The following RTKN2 variants were observed in gnomAD, a reference collection of about 807,000 sequenced individuals.
RTKN2 encodes rhotekin-2.
RTKN2 carries 69 observed loss-of-function variants against 71.5 expected under a neutral mutation model. The ratio of observed to expected loss-of-function variants is 0.96; its 90% CI spans 0.79 to 1.18. The LOEUF is 1.18. Ranked by LOEUF, RTKN2 falls within the 50% of genes most tolerant of loss-of-function variation. RTKN2 has a pLI of 0.00. For missense variants in RTKN2, 724 were observed against 719.7 expected, an observed-to-expected ratio of 1.01 and a Z score of -0.07; for synonymous variants, 236 against 236.5, an observed-to-expected ratio of 1.00 and a Z score of 0.02.
At chr10:62,239,289 T>C (rs1842322507) in intron 5 of RTKN2, 1 of 159,928 alleles carries the variant, frequency 6.3e-6, no homozygotes, top group East Asian at 1.8e-4. Context: ...AAAAATCCTG[T>C]TTTATGCTTA....
At chr10:62,224,960 T>C (rs764000848) in intron 6 of RTKN2, among the ~76,000 whole-genome samples, 16 of 152,134 alleles carry the variant, frequency 1.1e-4, no homozygotes, top group South Asian at 6.2e-4. Context: ...CTAAGTGTAA[T>C]AGGAAAGTTG....
chr10:62,241,159 T>A lies in RTKN2; in HGVS notation c.353A>T (p.His118Leu). The A allele has an allele frequency of 6.4e-7, 1 of 1,555,378 alleles. No individual in the cohort carries two copies. The highest frequency in any genetic ancestry group is 8.8e-7 in the Non-Finnish European group (1 of 1,133,782). ...RIPLMWKDSD[H>L]FSNKERSRRY... ...ATACATACGTTCTTTATTGCTGAAG[T>A]GATCAGAGTCTTTCCACATTAGTGG... The change falls in exon 4 of 12, where the codon CAC (histidine) becomes CTC (leucine). Residue 118 changes from histidine (H) to leucine (L), a missense_variant. Physicochemically the swap from His to Leu is moderately conservative, Grantham distance 99. Transcript: ENST00000373789.
chr10:62,193,916 T>C lies in RTKN2; in HGVS notation c.*3992A>G, dbSNP rs1841272337. 1 of 983,154 alleles carries C rather than the reference T, an allele frequency of 1.0e-6. No homozygotes were observed. The highest frequency in any genetic ancestry group is 1.7e-5 in the African/African-American group (1 of 57,208). The allele number at this position is 983,154 out of a possible 1,614,324, so 60.9% of individuals were successfully genotyped here. On this transcript the variant is annotated 3_prime_UTR_variant, in exon 12 of 12. Coordinates refer to ENST00000373789, the MANE Select transcript of RTKN2 (RefSeq NM_145307.4). ...ACCAGCTACTTGGTATGTCTTTTTC[T>C]GATTAAACTGATTCCACCACACTGT...
At chr10:62,211,907 G>A (rs944602656) in intron 9 of RTKN2, among the ~76,000 whole-genome samples, 5 of 151,924 alleles carry the variant, frequency 3.3e-5, no homozygotes, top group Admixed American at 2.0e-4. Context: ...CTCCTGATCC[G>A]CCCGTGCTGA....
chr10:62,266,943 C>T (rs542388831), intron 1 of RTKN2, among the ~76,000 whole-genome samples: 15 of 152,300 alleles, frequency 9.8e-5, no homozygotes, highest in African/African-American at 3.4e-4. Flanking sequence ...TGTGAGGAGT[C>T]GCAGAGGACT....
chr10:62,196,487 T>C lies in RTKN2; in HGVS notation c.*1421A>G, dbSNP rs911045346. The C allele has an allele frequency of 3.0e-6, 3 of 985,202 alleles. No homozygotes were observed. Among genetic ancestry groups the C allele is most frequent in the African/African-American group, 1.7e-5 (1 of 57,240 alleles). 61.0% of individuals were successfully genotyped at this position (985,202 alleles called of 1,614,324 possible). On this transcript the variant is annotated 3_prime_UTR_variant, in exon 12 of 12. Coordinates refer to ENST00000373789, the MANE Select transcript of RTKN2 (RefSeq NM_145307.4). ...TGGCAGTTACATCATTCTCTATAAA[T>C]GGAAAAGACCCCGCTATCTGAAAAT...
At chr10:62,187,812 C>A (rs1001269428) in intron 8 of RTKN2, among the ~76,000 whole-genome samples, 1 of 152,170 alleles carries the variant, frequency 6.6e-6, no homozygotes, top group Non-Finnish European at 1.5e-5. Context: ...CTCCCCAATA[C>A]TATCTGTAGC....
Position 62,194,088 on chromosome 10 carries a change from T to A in RTKN2, c.*3820A>T, listed in dbSNP as rs1841275991. 1 of 981,288 alleles carries A rather than the reference T, an allele frequency of 1.0e-6. No homozygotes were observed. Among genetic ancestry groups the A allele is most frequent in the South Asian group, 4.7e-5 (1 of 21,220 alleles). The allele number at this position is 981,288 out of a possible 1,614,324, so 60.8% of individuals were successfully genotyped here. ...TACCTTTGGTACTTTAAAAAATGTA[T>A]GTCCATGATATAATACTTTTTAATC... is the stretch of plus-strand genomic sequence containing the variant. On this transcript the variant is annotated 3_prime_UTR_variant, in exon 12 of 12. Coordinates refer to ENST00000373789, the MANE Select transcript of RTKN2 (RefSeq NM_145307.4).
intron 5 of RTKN2, among the ~76,000 whole-genome samples, chr10:62,237,974 G>C (rs879770046): frequency 6.6e-6 from 1 of 151,780 alleles, no homozygotes; most frequent in Non-Finnish European, 1.5e-5. Context: ...TAGCATTAAA[G>C]ACTGTGGTGG....
chr10:62,259,353 G>A (rs989559290), intron 2 of RTKN2: 40 of 270,266 alleles, frequency 1.5e-4, no homozygotes, highest in African/African-American at 9.1e-4. Context: ...TTTTTAATGT[G>A]ATATTTGTGA....
Position 62,197,878 on chromosome 10 carries a change from T to A in RTKN2, c.*30A>T. ...TGAATTAAGCTTCACAGTTATAGAT[T>A]TTGTTAAATGTTTTATCATTAAGAG... On this transcript the variant is annotated 3_prime_UTR_variant, in exon 12 of 12. Transcript: ENST00000373789. 1 of 1,570,198 alleles carries A rather than the reference T, an allele frequency of 6.4e-7. No individual in the cohort carries two copies. The highest frequency in any genetic ancestry group is 8.6e-7 in the Non-Finnish European group (1 of 1,161,304).
At chr10:62,217,795 C>A (rs1037927169) in intron 8 of RTKN2, among the ~76,000 whole-genome samples, 4 of 152,046 alleles carry the variant, frequency 2.6e-5, no homozygotes, top group Non-Finnish European at 5.9e-5. Flanking sequence ...AATAAATCAG[C>A]AGTAGGTGGC....
At position 62,246,067 on chromosome 10, in the gene RTKN2, CA is replaced by C; in HGVS notation, c.258-11del. 2.6e-6 allele frequency: 4 copies of C among 1,553,854 alleles called. No homozygotes were observed. The highest frequency in any genetic ancestry group is 1.7e-4 in the Middle Eastern group (1 of 5,860). Reference sequence around the variant, plus strand: ...TTCAAATTTCACATCACTGTCAAAACAAAAAAACTTATGGAAAAAAGATCTT... The same window carrying C: ...TTCAAATTTCACATCACTGTCAAAACAAAAAACTTATGGAAAAAAGATCTT... On this transcript the variant is annotated splice_polypyrimidine_tract_variant and intron_variant, in intron 2 of 11. Coordinates refer to ENST00000373789, the MANE Select transcript of RTKN2 (RefSeq NM_145307.4).
intron 6 of RTKN2, among the ~76,000 whole-genome samples, chr10:62,228,439 C>G (rs943275907): frequency 2.0e-5 from 3 of 152,068 alleles, no homozygotes; most frequent in Non-Finnish European, 4.4e-5. Context: ...CTTGACGAGA[C>G]TAGTTTCTGT....
chr10:62,193,839 T>A lies in RTKN2; in HGVS notation c.*4069A>T. On this transcript the variant is annotated 3_prime_UTR_variant, in exon 12 of 12. Transcript: ENST00000373789. ...GAAGGATTATATGTAAACATTTTAA[T>A]AATGTTAATTATACCATGGCTTATC... 1.0e-6 allele frequency: 1 copy of A among 967,308 alleles called. No homozygotes were observed. The allele number at this position is 967,308 out of a possible 1,614,324, so 59.9% of individuals were successfully genotyped here.
chr10:62,204,105 G>C (rs1018789809), intron 10 of RTKN2, among the ~76,000 whole-genome samples: 1 of 152,044 alleles, frequency 6.6e-6, no homozygotes, highest in African/African-American at 2.4e-5. Context: ...GGATTCAGTA[G>C]ACAAAATACT....
chr10:62,215,085 C>T, intron 9 of RTKN2: 2 of 1,502,446 alleles, frequency 1.3e-6, no homozygotes, highest in Non-Finnish European at 9.0e-7. Flanking sequence ...TCAAATAAAA[C>T]TAATGACTTC....
chr10:62,199,789 A>G lies in RTKN2; in HGVS notation c.1259T>C (p.Leu420Ser), dbSNP rs1287202055. The G allele has an allele frequency of 3.7e-6, 6 of 1,613,532 alleles. No homozygotes were observed. Among genetic ancestry groups the G allele is most frequent in the Non-Finnish European group, 5.1e-6 (6 of 1,179,578 alleles). ...GTAGACTGAGGTTGCCTCTTTTGTC[A>G]AGAACAAAGGTGGTTTCCGTGGTGA... ...IMSPRKPPLFLTKEATSVYHD... is the reference protein window; with the variant it reads ...IMSPRKPPLFSTKEATSVYHD... The change falls in exon 11 of 12, where the codon TTG (leucine) becomes TCG (serine). Residue 420 changes from leucine (L) to serine (S), a missense_variant. Physicochemically the swap from Leu to Ser is moderately radical, Grantham distance 145. Transcript: ENST00000373789.
Position 62,242,721 on chromosome 10 carries a change from C to T in RTKN2, c.317-1526G>A, listed in dbSNP as rs148434799. On this transcript the variant is annotated intron_variant, in intron 3 of 11. Coordinates refer to ENST00000373789, the MANE Select transcript of RTKN2 (RefSeq NM_145307.4). ...CATCCTCCCCTACCACCCCTGCCCC[C>T]GGGGTTCAAGTGATTCTCCTGCCTC... 3.4e-3 allele frequency among the ~76,000 whole-genome samples: 515 copies of T among 152,140 alleles called. 4 individuals carry two copies. Among genetic ancestry groups the T allele is most frequent in the African/African-American group, 0.011 (436 of 41,494 alleles).
Sources: gnomAD v4.1 joint callset for allele counts (sites outside exome capture counted in the v4.1 genomes callset) on GRCh38, gnomAD v4.1.1 for gene constraint, MANE v1.5 for transcripts, NCBI Gene and HGNC (gene_info 2026-07-23, HGNC 2026-07-21) for gene names.